The following KCTD14 variants were observed in gnomAD, a reference collection of about 807,000 sequenced individuals.
The protein encoded by KCTD14 is BTB/POZ domain-containing protein KCTD14.
KCTD14 carries 7 observed loss-of-function variants against 5.9 expected under a neutral mutation model. The observed-to-expected ratio is 1.19, with a 90% CI of 0.68 to 2.23. KCTD14 has a LOEUF of 2.23. Among genes scored for constraint, KCTD14 ranks in the 30% most tolerant of loss-of-function variants. The pLI is 0.00. For missense variants in KCTD14, 342 were observed against 332.2 expected (o/e 1.03, Z -0.23); for synonymous variants, 140 against 133.1 (o/e 1.05, Z -0.36).
chr11:78,032,221 G>T lies in KCTD14; in HGVS notation c.-1+6443C>A, dbSNP rs147280549. Among the ~76,000 whole-genome samples the T allele has an allele frequency of 6.2e-3, 944 of 152,338 alleles. 8 individuals carry two copies. The highest frequency in any genetic ancestry group is 0.017 in the Middle Eastern group (5 of 294). On this transcript the variant is annotated intron_variant, in intron 2 of 2. Coordinates refer to the KCTD14 transcript ENST00000533144. ...CTTGATTGGGTCCCAGCCCCAGCAA[G>T]CTCCTTTCTGGAGGGAGCAGGCAGC...
At chr11:78,038,701 A>T (rs1254370403) in exon 2 of KCTD14, 1 of 1,535,732 alleles carries the variant, frequency 6.5e-7, no homozygotes, top group East Asian at 2.4e-5. Context: ...CACAGCAAAC[A>T]CAGCAGGGGT....
upstream of KCTD14, among the ~76,000 whole-genome samples, chr11:78,026,078 G>A (rs538742892): frequency 1.3e-5 from 2 of 152,244 alleles, no homozygotes; most frequent in Admixed American, 6.5e-5. Flanking sequence ...ACAACCTCAG[G>A]ATGTCCTCAG....
At chr11:78,025,120 A>G (rs7943206), upstream of KCTD14, among the ~76,000 whole-genome samples, 904 of 37,734 alleles carry the variant, frequency 0.024, no homozygotes, top group East Asian at 0.03. Flanking sequence ...GTGTGTGTGT[A>G]TATATATATA....
At chr11:78,025,750 G>C (rs767040007), upstream of KCTD14, among the ~76,000 whole-genome samples, 5 of 152,160 alleles carry the variant, frequency 3.3e-5, no homozygotes, top group Admixed American at 6.5e-5. Context: ...AAAAGAGTTA[G>C]GTATCTGTTT....
At chr11:78,023,092 G>GGGAGGGAAGAGGC (rs754987461) in intron 1 of KCTD14, 68 bp downstream of exon 1, 9 of 1,077,576 alleles carry the variant, frequency 8.4e-6, no homozygotes, top group South Asian at 2.9e-5. Context: ...GAAACTGGAA[G>GGGAGGGAAGAGGC]GGAGGGAAGA....
intron 1 of KCTD14, 49 bp from the exon 2 acceptor site, chr11:78,017,319 G>T (rs369204256): frequency 1.3e-6 from 2 of 1,510,604 alleles, no homozygotes; most frequent in East Asian, 2.3e-5. Flanking sequence ...TCCCCTGAGC[G>T]CATTACTTAT....
chr11:78,033,396 C>A (rs1565315217), intron 2 of KCTD14, among the ~76,000 whole-genome samples: 1 of 152,062 alleles, frequency 6.6e-6, no homozygotes, highest in African/African-American at 2.4e-5. Flanking sequence ...ATAACAAAGA[C>A]AGGGGCAGGG....
intron 2 of KCTD14, among the ~76,000 whole-genome samples, chr11:78,029,110 G>A (rs1014447966): frequency 7.3e-5 from 11 of 151,610 alleles, no homozygotes; most frequent in East Asian, 5.8e-4. Flanking sequence ...GCTTGAACCC[G>A]GGAGGCGGAG....
upstream of KCTD14, among the ~76,000 whole-genome samples, chr11:78,027,842 T>G (rs1199642645): frequency 6.6e-6 from 1 of 152,124 alleles, no homozygotes; most frequent in African/African-American, 2.4e-5. Flanking sequence ...TCAGAGAGAA[T>G]AGATTGCAAA....
chr11:78,026,180 T>C (rs184124198), upstream of KCTD14, among the ~76,000 whole-genome samples: 1 of 152,320 alleles, frequency 6.6e-6, no homozygotes, highest in Non-Finnish European at 1.5e-5. Context: ...CTCACGCCTG[T>C]AATCTCACCA....
rs531185817 is a variant in KCTD14 at position 78,021,297 on chromosome 11, C to CAA, written c.90+1861_90+1862dup. On this transcript the variant is annotated intron_variant, in intron 1 of 1. Transcript: ENST00000353172. The stretch of plus-strand genomic sequence containing the variant: ...TAGGTGACAGAGGGAGACCCTGTCT[C>CAA]AAAAAAAAAAAAAAAAAAAAAAAAA... Among the ~76,000 whole-genome samples, 126 of 85,178 alleles carry CAA rather than the reference C, an allele frequency of 1.5e-3. 2 individuals carry two copies. Among genetic ancestry groups the CAA allele is most frequent in the East Asian group, 5.2e-3 (12 of 2,312 alleles). The allele number at this position is 85,178 out of a possible 152,430, so 55.9% of individuals were successfully genotyped here.
upstream of KCTD14, among the ~76,000 whole-genome samples, chr11:78,025,075 T>C (rs1295975191): frequency 2.1e-5 from 3 of 143,134 alleles, no homozygotes; most frequent in South Asian, 2.2e-4. Context: ...CACACACACA[T>C]ATATACACAC....
intron 1 of KCTD14, among the ~76,000 whole-genome samples, chr11:78,039,567 T>TTTAA (rs1857932322): frequency 6.6e-6 from 1 of 151,306 alleles, no homozygotes; most frequent in South Asian, 2.1e-4. Flanking sequence ...TTTAAACATG[T>TTTAA]ATGAGCCTGG....
upstream of KCTD14, among the ~76,000 whole-genome samples, chr11:78,025,659 A>C (rs1857446243): frequency 6.6e-6 from 1 of 152,160 alleles, no homozygotes; most frequent in African/African-American, 2.4e-5. Flanking sequence ...TCTCCATTTT[A>C]ATTTACTATA....
At chr11:78,044,639 T>C (rs1299202186) in intron 1 of KCTD14, among the ~76,000 whole-genome samples, 1 of 152,170 alleles carries the variant, frequency 6.6e-6, no homozygotes, top group Non-Finnish European at 1.5e-5. Flanking sequence ...TGTACGGGTC[T>C]GTAGTAACCT....
At chr11:78,026,750 T>C (rs7951114), upstream of KCTD14, among the ~76,000 whole-genome samples, 124,236 of 152,058 alleles carry the variant, frequency 0.82, 50,930 homozygotes, top group African/African-American at 0.84. Flanking sequence ...GCTTGGGCAG[T>C]GGAATGAGAT....
chr11:78,028,249 A>G (rs1323111187), upstream of KCTD14, among the ~76,000 whole-genome samples: 1 of 152,132 alleles, frequency 6.6e-6, no homozygotes, highest in African/African-American at 2.4e-5. Context: ...ACTGACCAGT[A>G]CTCCTCAAAA....
chr11:78,029,046 A>G (rs111476657), intron 2 of KCTD14, among the ~76,000 whole-genome samples: 13,575 of 151,948 alleles, frequency 0.089, 1,939 homozygotes, highest in African/African-American at 0.31. Context: ...TTAGCTGGGC[A>G]TGGTGGTGCA....
upstream of KCTD14, among the ~76,000 whole-genome samples, chr11:78,026,632 G>A (rs939700504): frequency 1.3e-4 from 20 of 151,914 alleles, no homozygotes; most frequent in African/African-American, 4.8e-4. Flanking sequence ...AGTCAGGCAT[G>A]GTGACATGTG....
Sources: gnomAD v4.1 joint callset for allele counts (sites outside exome capture counted in the v4.1 genomes callset) on GRCh38, gnomAD v4.1.1 for gene constraint, MANE v1.5 for transcripts, NCBI Gene and HGNC (gene_info 2026-07-23, HGNC 2026-07-21) for gene names.